The following MED13 variants were observed in gnomAD, a reference collection of about 807,000 sequenced individuals.
MED13 encodes the protein mediator complex subunit 13.
MED13 carries 23 observed loss-of-function variants against 225.2 expected under a neutral mutation model. The ratio of observed to expected loss-of-function variants is 0.10; its 90% CI spans 0.07 to 0.14. The LOEUF (loss-of-function observed/expected upper bound fraction) is 0.14. Among genes scored for constraint, MED13 ranks in the 10% least tolerant of loss-of-function variants. The pLI is 1.00. For missense variants in MED13, 2,197 were observed against 2,594.5 expected, an observed-to-expected ratio of 0.85 and a Z score of 3.33; for synonymous variants, 942 against 889.2, an observed-to-expected ratio of 1.06 and a Z score of -1.06.
At chr17:62,036,781 C>CA (rs1221995349) in intron 3 of MED13, 2 of 152,060 alleles carry the variant, frequency 1.3e-5, no homozygotes, top group African/African-American at 4.8e-5. Context: ...CTTGATAGAA[C>CA]AAGAAATAGA....
rs747636675 is a variant in MED13 at position 62,010,873 on chromosome 17, C to T, written c.1644G>A (p.Val548=). The T allele has an allele frequency of 2.2e-5, 35 of 1,614,082 alleles. No individual in the cohort carries two copies. Among genetic ancestry groups the T allele is most frequent in the Non-Finnish European group, 3.0e-5 (35 of 1,180,030 alleles). ...TCTGAGGAGTTGAAGGTGTTTTAGT[C>T]ACTCCTTCATCAACCACATCACAAG... is the stretch of plus-strand genomic sequence containing the variant. ...PHPCDVVDEG[V]TKTPSTPQSQ... Residue 548 remains valine (V), a synonymous_variant, in exon 9 of 30, where the codon GTG becomes GTA. Transcript: ENST00000397786.
intron 3 of MED13, among the ~76,000 whole-genome samples, chr17:62,041,491 T>A (rs910760974): frequency 6.6e-6 from 1 of 152,250 alleles, no homozygotes; most frequent in African/African-American, 2.4e-5. Context: ...ACAATGTGAA[T>A]GTACTTAATG....
intron 3 of MED13, among the ~76,000 whole-genome samples, chr17:62,050,346 G>A (rs1603409454): frequency 1.3e-5 from 2 of 148,604 alleles, no homozygotes; most frequent in Admixed American, 6.7e-5. Context: ...CAACAAGAGT[G>A]AAACTCCGTA....
At chr17:61,987,341 G>C (rs914504834) in intron 11 of MED13, among the ~76,000 whole-genome samples, 1 of 151,962 alleles carries the variant, frequency 6.6e-6, no homozygotes, top group Non-Finnish European at 1.5e-5. Flanking sequence ...AGGATGAGAC[G>C]GAGAACTGCT....
chr17:61,982,919 A>T lies in MED13; in HGVS notation c.3084T>A (p.Ala1028=), dbSNP rs771605800. ...CATATTTGACTGAACCTTGAGCACT[A>T]GCAGGTCCACCAGCTCCACGAGGAG... ...PRTPRGAGGP[A]SAQGSVKYEN... Residue 1028 remains alanine (A), a synonymous_variant, in exon 16 of 30, where the codon GCT becomes GCA. Transcript: ENST00000397786. 6.2e-7 allele frequency: 1 copy of T among 1,614,154 alleles called. No individual in the cohort carries two copies. Among genetic ancestry groups the T allele is most frequent in the East Asian group, 2.2e-5 (1 of 44,882 alleles).
chr17:62,058,589 C>T (rs1176300896), intron 2 of MED13, among the ~76,000 whole-genome samples: 1 of 151,582 alleles, frequency 6.6e-6, no homozygotes, highest in Non-Finnish European at 1.5e-5. Flanking sequence ...GTTTTATTCC[C>T]TAATCCTTTT....
intron 8 of MED13, among the ~76,000 whole-genome samples, chr17:62,019,176 G>C (rs1390370744): frequency 6.6e-6 from 1 of 152,168 alleles, no homozygotes; most frequent in East Asian, 1.9e-4. Context: ...ACAATATCCA[G>C]CAATAGGCCG....
intron 9 of MED13, among the ~76,000 whole-genome samples, chr17:61,995,897 T>A (rs576738333): frequency 7.9e-5 from 12 of 152,352 alleles, no homozygotes; most frequent in African/African-American, 2.6e-4. Context: ...TTACTATTAA[T>A]TCTGGCAAGA....
rs1473467249 is a variant in MED13 at position 61,984,762 on chromosome 17, C to A, written c.2580G>T (p.Met860Ile). The A allele has an allele frequency of 6.2e-7, 1 of 1,613,166 alleles. No individual in the cohort carries two copies. Among genetic ancestry groups the A allele is most frequent in the South Asian group, 1.1e-5 (1 of 91,068 alleles). Reference sequence around the variant, plus strand: ...GAACAGTTCCTCCAGGTGTTGTATCCATACTACCATATTCTTTATTATTCA... The same window carrying A: ...GAACAGTTCCTCCAGGTGTTGTATCAATACTACCATATTCTTTATTATTCA... ...MNMNNKEYGS[M>I]DTTPGGTVLE... is the part of the protein sequence containing the mutation. Residue 860 changes from methionine to isoleucine, a missense_variant, in exon 14 of 30, where the codon ATG becomes ATT. Transcript: ENST00000397786.
intron 28 of MED13, among the ~76,000 whole-genome samples, chr17:61,949,779 C>G (rs1341447913): frequency 6.6e-6 from 1 of 152,150 alleles, no homozygotes; most frequent in Admixed American, 6.5e-5. Context: ...CCTTTACCTG[C>G]CGGGTTCAAG....
intron 3 of MED13, among the ~76,000 whole-genome samples, chr17:62,036,349 A>G (rs1365507397): frequency 6.6e-6 from 1 of 152,194 alleles, no homozygotes; most frequent in Non-Finnish European, 1.5e-5. Flanking sequence ...GCAAAACAGT[A>G]CACCTTAATG....
intron 16 of MED13, among the ~76,000 whole-genome samples, chr17:61,974,163 G>C (rs1053434386): frequency 6.6e-6 from 1 of 152,156 alleles, no homozygotes; most frequent in Non-Finnish European, 1.5e-5. Flanking sequence ...TGTAATTGCA[G>C]CACTTTGGGA....
At chr17:62,002,225 C>T (rs1177841242) in intron 9 of MED13, among the ~76,000 whole-genome samples, 1 of 152,086 alleles carries the variant, frequency 6.6e-6, no homozygotes, top group Non-Finnish European at 1.5e-5. Context: ...CACGGTGGCT[C>T]ACTCCTGTAA....
At chr17:62,046,861 ATTTTT>A in intron 3 of MED13, among the ~76,000 whole-genome samples, 1 of 146,614 alleles carries the variant, frequency 6.8e-6, no homozygotes, top group African/African-American at 2.5e-5. Flanking sequence ...TATAATTTCA[ATTTTT>A]TTTTTTTAAG....
intron 8 of MED13, among the ~76,000 whole-genome samples, chr17:62,026,414 C>G (rs1229014527): frequency 1.3e-5 from 2 of 151,140 alleles, no homozygotes; most frequent in Non-Finnish European, 2.9e-5. Flanking sequence ...CAACATTTCA[C>G]CTACAGCTGC....
chr17:61,982,706 G>A lies in MED13; in HGVS notation c.3297C>T (p.Asn1099=). 1 of 1,614,160 alleles carries A rather than the reference G, an allele frequency of 6.2e-7. No individual in the cohort carries two copies. The highest frequency in any genetic ancestry group is 8.5e-7 in the Non-Finnish European group (1 of 1,180,030). The change falls in exon 16 of 30, where the codon AAC becomes AAT. Residue 1099 remains asparagine, a synonymous_variant. Transcript: ENST00000397786. Reference sequence around the variant, plus strand: ...CAACATCGGCACCCTTGATGTTCATGTTGCAAACACAGATGCAACAACTAT... The same window carrying A: ...CAACATCGGCACCCTTGATGTTCATATTGCAAACACAGATGCAACAACTAT... ...NFDSCCICVC[N]MNIKGADVGV...
intron 2 of MED13, among the ~76,000 whole-genome samples, chr17:62,059,566 A>G (rs2081021760): frequency 6.6e-6 from 1 of 152,188 alleles, no homozygotes; most frequent in Non-Finnish European, 1.5e-5. Flanking sequence ...TCCACTTGGA[A>G]CTCAGGACTG....
intron 3 of MED13, among the ~76,000 whole-genome samples, chr17:62,044,783 T>A (rs76801584): frequency 0.073 from 11,163 of 152,234 alleles, 615 homozygotes; most frequent in South Asian, 0.31. Flanking sequence ...TGCCTCAGCC[T>A]CCCAAGTAGC....
intron 8 of MED13, among the ~76,000 whole-genome samples, chr17:62,028,447 G>A (rs151099470): frequency 6.6e-6 from 1 of 152,194 alleles, no homozygotes; most frequent in Non-Finnish European, 1.5e-5. Flanking sequence ...CTGGGTACTA[G>A]GCTTAGTATC....
Sources: gnomAD v4.1 joint callset for allele counts (sites outside exome capture counted in the v4.1 genomes callset) on GRCh38, gnomAD v4.1.1 for gene constraint, MANE v1.5 for transcripts, NCBI Gene and HGNC (gene_info 2026-07-23, HGNC 2026-07-21) for gene names.